Variants in GRID2 observed in about 807,000 individuals in gnomAD.
GRID2 encodes glutamate receptor ionotropic, delta-2.
GRID2 carries 33 observed loss-of-function variants against 114.8 expected under a neutral mutation model. The ratio of observed to expected loss-of-function variants is 0.29; its 90% confidence interval spans 0.22 to 0.38. GRID2 has a LOEUF of 0.38. Among genes scored for constraint, GRID2 ranks in the 10% least tolerant of loss-of-function variants. GRID2 has a pLI of 1.00. For synonymous variants in GRID2, 505 were observed against 449.9 expected, an observed-to-expected ratio of 1.12 and a Z score of -1.55; for missense variants, 1,184 against 1,257.7, an observed-to-expected ratio of 0.94 and a Z score of 0.89.
chr4:93,151,951 C>T (rs962362740), intron 4 of GRID2, among the ~76,000 whole-genome samples: 1 of 152,076 alleles, frequency 6.6e-6, no homozygotes, highest in East Asian at 1.9e-4. Context: ...GAATCAGCCT[C>T]AATGTAAGCA....
intron 2 of GRID2, among the ~76,000 whole-genome samples, chr4:92,776,491 G>A (rs947673287): frequency 2.0e-5 from 3 of 151,920 alleles, no homozygotes; most frequent in Non-Finnish European, 2.9e-5. Context: ...CCTTGTGTAG[G>A]GGGAGGGTAT....
intron 13 of GRID2, among the ~76,000 whole-genome samples, chr4:93,595,021 G>A (rs112874345): frequency 0.044 from 6,758 of 152,168 alleles, 509 homozygotes; most frequent in African/African-American, 0.15. Context: ...CTTCTGCATC[G>A]CTCAGGCTGG....
Position 93,085,153 on chromosome 4 carries a change from C to G in GRID2, c.403C>G (p.Arg135Gly). 1 of 1,614,056 alleles carries G rather than the reference C, an allele frequency of 6.2e-7. No individual in the cohort carries two copies. The highest frequency in any genetic ancestry group is 8.5e-7 in the Non-Finnish European group (1 of 1,179,984). ...CCCAAGGAGTGGCTGTGGACTCACC[C>G]GGAGCAACAGGAATGATGACTACAC... Reference protein sequence around the residue: ...GTPRSGCGLTRSNRNDDYTLS... With the variant: ...GTPRSGCGLTGSNRNDDYTLS... The change falls in exon 3 of 16, where the codon CGG becomes GGG. Residue 135 changes from arginine (R) to glycine (G), a missense_variant. By Grantham distance (125) the Arg-to-Gly change is moderately radical. This residue lies in a region of GRID2 where 455 missense variants were observed against 429.5 expected (regional missense o/e 1.06). Transcript: ENST00000282020.
intron 10 of GRID2, among the ~76,000 whole-genome samples, chr4:93,437,419 A>G (rs954727083): frequency 2.0e-5 from 3 of 152,136 alleles, no homozygotes; most frequent in Non-Finnish European, 4.4e-5. Flanking sequence ...ATTTAAATAA[A>G]CCCAGTTACA....
chr4:93,655,549 A>G (rs1478043286), intron 14 of GRID2, among the ~76,000 whole-genome samples: 44 of 152,204 alleles, frequency 2.9e-4, no homozygotes. Context: ...GTAAAAGCCG[A>G]AAGATAGGTC....
chr4:93,569,022 C>T (rs1735691992), intron 13 of GRID2, among the ~76,000 whole-genome samples: 1 of 152,080 alleles, frequency 6.6e-6, no homozygotes, highest in Non-Finnish European at 1.5e-5. Context: ...TGCCAAAATC[C>T]GATATAAAGT....
At chr4:93,364,304 G>T (rs566953807) in intron 8 of GRID2, among the ~76,000 whole-genome samples, 1 of 152,074 alleles carries the variant, frequency 6.6e-6, no homozygotes, top group South Asian at 2.1e-4. Context: ...ACAAGGTTAG[G>T]TCTAAAAATA....
chr4:93,707,270 A>T (rs1728087098), intron 14 of GRID2, among the ~76,000 whole-genome samples: 1 of 152,148 alleles, frequency 6.6e-6, no homozygotes, highest in Non-Finnish European at 1.5e-5. Flanking sequence ...TACTTTGAGA[A>T]AAATTGGTAT....
intron 8 of GRID2, among the ~76,000 whole-genome samples, chr4:93,377,749 T>A (rs1763501956): frequency 6.6e-6 from 1 of 152,280 alleles, no homozygotes; most frequent in Admixed American, 6.5e-5. Context: ...AAGAGTCTTT[T>A]CCCTCTGGAT....
At chr4:93,090,385 G>A (rs964601742) in intron 3 of GRID2, among the ~76,000 whole-genome samples, 1 of 152,116 alleles carries the variant, frequency 6.6e-6, no homozygotes, top group African/African-American at 2.4e-5. Flanking sequence ...AGATACAAAA[G>A]GATTTATTTG....
At chr4:93,466,676 C>T (rs1724304166) in intron 11 of GRID2, among the ~76,000 whole-genome samples, 1 of 152,182 alleles carries the variant, frequency 6.6e-6, no homozygotes, top group South Asian at 2.1e-4. Context: ...TGACAAGCTG[C>T]TTCTGCCCCG....
At chr4:92,891,157 C>G (rs932695133) in intron 2 of GRID2, among the ~76,000 whole-genome samples, 1 of 151,924 alleles carries the variant, frequency 6.6e-6, no homozygotes, top group Non-Finnish European at 1.5e-5. Flanking sequence ...AGGAGAAATA[C>G]CTAATGTAGA....
At chr4:92,328,373 G>T (rs146483095) in intron 1 of GRID2, among the ~76,000 whole-genome samples, 1 of 152,166 alleles carries the variant, frequency 6.6e-6, no homozygotes, top group Non-Finnish European at 1.5e-5. Context: ...TTGAAGTTCA[G>T]CCAGAGTGGT....
chr4:92,742,817 C>G (rs1736957850), intron 2 of GRID2, among the ~76,000 whole-genome samples: 1 of 152,134 alleles, frequency 6.6e-6, no homozygotes, highest in African/African-American at 2.4e-5. Flanking sequence ...AGGAACCTCT[C>G]TCTAGGAAAT....
chr4:92,686,116 T>A (rs565756978), intron 2 of GRID2, among the ~76,000 whole-genome samples: 35 of 152,046 alleles, frequency 2.3e-4, no homozygotes, highest in Non-Finnish European at 4.6e-4. Context: ...CCTTCATTCA[T>A]TGCTTAAAGA....
intron 2 of GRID2, among the ~76,000 whole-genome samples, chr4:92,708,476 G>A (rs1735058563): frequency 6.6e-6 from 1 of 152,122 alleles, no homozygotes; most frequent in Non-Finnish European, 1.5e-5. Context: ...CTGGAATTGG[G>A]CAGCATGGGT....
chr4:92,681,070 A>G (rs2149284303), intron 2 of GRID2, among the ~76,000 whole-genome samples: 1 of 152,360 alleles, frequency 6.6e-6, no homozygotes, highest in Non-Finnish European at 1.5e-5. Flanking sequence ...AGGAGAGAAT[A>G]GCACCACAGA....
intron 5 of GRID2, among the ~76,000 whole-genome samples, chr4:93,213,904 C>A (rs79339130): frequency 2.2e-3 from 336 of 152,078 alleles, no homozygotes; most frequent in African/African-American, 7.8e-3. Context: ...GACTTTGATT[C>A]TTAGTAGTTT....
chr4:92,312,345 A>C (rs1394060174), intron 1 of GRID2, among the ~76,000 whole-genome samples: 3 of 152,104 alleles, frequency 2.0e-5, no homozygotes, highest in African/African-American at 4.8e-5. Context: ...TTCTTTGCTT[A>C]AGTGCACTGG....
Sources: gnomAD v4.1 joint callset for allele counts (sites outside exome capture counted in the v4.1 genomes callset) on GRCh38, gnomAD v4.1.1 for gene constraint, gnomAD v4.1.1 regional missense constraint, MANE v1.5 for transcripts, NCBI Gene and HGNC (gene_info 2026-07-23, HGNC 2026-07-21) for gene names.